TMEM132D: variants seen among roughly 807,000 people sequenced by gnomAD.
TMEM132D encodes transmembrane protein 132D.
In TMEM132D, 21 loss-of-function variants were observed where a neutral mutation model predicts 62.3. The ratio of observed to expected loss-of-function variants is 0.34; its 90% CI spans 0.24 to 0.49. TMEM132D has a LOEUF of 0.49. Ranked by LOEUF, TMEM132D falls within the 20% of genes least tolerant of loss-of-function variation. The probability of loss-of-function intolerance (pLI) is 0.99; values close to 1 mark genes in which losing one functional copy is unlikely to be tolerated. For synonymous variants in TMEM132D, 621 were observed against 575.6 expected, an observed-to-expected ratio of 1.08 and a Z score of -1.13; for missense variants, 1,346 against 1,402.8, an observed-to-expected ratio of 0.96 and a Z score of 0.65.
intron 4 of TMEM132D, among the ~76,000 whole-genome samples, chr12:129,266,669 A>G (rs1880704631): frequency 6.7e-6 from 1 of 149,198 alleles, no homozygotes; most frequent in South Asian, 2.1e-4. Flanking sequence ...GTTTACCAGC[A>G]TTAAACAGGA....
intron 5 of TMEM132D, among the ~76,000 whole-genome samples, chr12:129,190,771 C>T (rs145166357): frequency 7.1e-4 from 108 of 152,312 alleles, no homozygotes; most frequent in African/African-American, 2.4e-3. Context: ...TAAGATAACA[C>T]ATTTGTGTTG....
intron 1 of TMEM132D, among the ~76,000 whole-genome samples, chr12:129,732,823 A>C (rs1171444176): frequency 6.6e-6 from 1 of 152,190 alleles, no homozygotes; most frequent in African/African-American, 2.4e-5. Context: ...GGCCAGGCCC[A>C]CACCCAGGGA....
intron 5 of TMEM132D, among the ~76,000 whole-genome samples, chr12:129,104,199 G>A (rs1338104975): frequency 1.3e-5 from 2 of 151,182 alleles, no homozygotes; most frequent in Non-Finnish European, 2.9e-5. Flanking sequence ...CAGAGATATA[G>A]ACCAATGGAA....
chr12:129,137,795 G>C (rs1355289413), intron 5 of TMEM132D, among the ~76,000 whole-genome samples: 2 of 152,204 alleles, frequency 1.3e-5, no homozygotes, highest in African/African-American at 4.8e-5. Context: ...ACCTGCTAAA[G>C]ATGGTGCTGC....
At chr12:129,160,433 G>T (rs139760595) in intron 5 of TMEM132D, among the ~76,000 whole-genome samples, 1 of 152,206 alleles carries the variant, frequency 6.6e-6, no homozygotes, top group Non-Finnish European at 1.5e-5. Flanking sequence ...ACTTTAGTTT[G>T]CATTAGTAGG....
At chr12:129,848,192 A>G (rs550139538) in intron 1 of TMEM132D, among the ~76,000 whole-genome samples, 2 of 152,292 alleles carry the variant, frequency 1.3e-5, no homozygotes, top group East Asian at 1.9e-4. Flanking sequence ...CCTGACATCT[A>G]TTAGGTTGGT....
intron 2 of TMEM132D, among the ~76,000 whole-genome samples, chr12:129,605,869 C>T (rs1209805410): frequency 6.6e-6 from 1 of 151,818 alleles, no homozygotes; most frequent in Non-Finnish European, 1.5e-5. Flanking sequence ...TCCACAAAGC[C>T]AGAAACAATG....
intron 7 of TMEM132D, among the ~76,000 whole-genome samples, chr12:129,080,960 C>T (rs1874427912): frequency 6.6e-6 from 1 of 152,156 alleles, no homozygotes; most frequent in Non-Finnish European, 1.5e-5. Context: ...ACAATCACTT[C>T]ACTTCGTCCT....
chr12:129,555,182 T>G (rs572165854), intron 2 of TMEM132D, among the ~76,000 whole-genome samples: 5 of 152,362 alleles, frequency 3.3e-5, no homozygotes, highest in African/African-American at 1.2e-4. Context: ...GAATTTAGTC[T>G]CCTTTTTATT....
intron 2 of TMEM132D, among the ~76,000 whole-genome samples, chr12:129,676,930 C>G (rs527913837): frequency 6.6e-6 from 1 of 152,302 alleles, no homozygotes; most frequent in Non-Finnish European, 1.5e-5. Flanking sequence ...TTCAACTATC[C>G]TATCCCGCCT....
chr12:129,534,452 T>G (rs10847897), intron 2 of TMEM132D, among the ~76,000 whole-genome samples: 126,167 of 151,074 alleles, frequency 0.84, 52,778 homozygotes, highest in Admixed American at 0.86. Flanking sequence ...TAAATGCAAT[T>G]TGTATATACA....
At position 129,903,331 on chromosome 12, in the gene TMEM132D, C is replaced by G. The variant is rs1320574045; in HGVS notation, c.9G>C (p.Pro3=). Residue 3 remains proline, a synonymous_variant, in exon 1 of 9, where the codon CCG becomes CCC. Coordinates refer to ENST00000422113, the MANE Select transcript of TMEM132D (RefSeq NM_133448.3). This position sits in a 1 kb window ranked among gnomAD's most constrained non-coding sequence, Gnocchi z 6.2. ...GGTGCCACAGCGTCCCCATCTCAGA[C>G]GGGCACATCCTGGAGACCCGGAGCG... MC[P]SEMGTLWHHW... is the part of the protein sequence containing the mutation. 2.6e-6 allele frequency: 4 copies of G among 1,552,522 alleles called. No homozygotes were observed. The highest frequency in any genetic ancestry group is 3.5e-6 in the Non-Finnish European group (4 of 1,147,616).
intron 4 of TMEM132D, among the ~76,000 whole-genome samples, chr12:129,284,047 A>T (rs954289889): frequency 6.6e-6 from 1 of 152,264 alleles, no homozygotes; most frequent in African/African-American, 2.4e-5. Flanking sequence ...CTGATGGAGG[A>T]CAAGGCTCTC....
At position 129,088,812 on chromosome 12, in the gene TMEM132D, A is replaced by G. The variant is rs1307213741; in HGVS notation, c.1444-4110T>C. On this transcript the variant is annotated intron_variant, in intron 5 of 8. Coordinates refer to ENST00000422113, the MANE Select transcript of TMEM132D (RefSeq NM_133448.3). ...CCTCCATGACCGGGTGTCCTCCCTG[A>G]CCGGGTGTCCTCCATGACCGGGATG... 3.2e-4 allele frequency among the ~76,000 whole-genome samples: 13 copies of G among 41,026 alleles called. 3 individuals carry two copies. Among genetic ancestry groups the G allele is most frequent in the Non-Finnish European group, 5.1e-4 (11 of 21,384 alleles). The allele number at this position is 41,026 out of a possible 152,430, so 26.9% of individuals were successfully genotyped here. A position where few individuals can be genotyped will look rare whatever the true frequency, so the allele number is the denominator to read the frequency against.
At chr12:129,707,074 A>G (rs930794235) in intron 1 of TMEM132D, among the ~76,000 whole-genome samples, 2 of 150,552 alleles carry the variant, frequency 1.3e-5, no homozygotes, top group African/African-American at 2.4e-5. Context: ...AGAAGCATTA[A>G]TAAAAACAAA....
At chr12:129,440,577 A>T (rs1294013094) in intron 3 of TMEM132D, among the ~76,000 whole-genome samples, 1 of 152,230 alleles carries the variant, frequency 6.6e-6, no homozygotes, top group Non-Finnish European at 1.5e-5. Flanking sequence ...TAGCATGGGC[A>T]TATCTAAGAG....
intron 2 of TMEM132D, among the ~76,000 whole-genome samples, chr12:129,573,854 G>T (rs981903531): frequency 1.3e-5 from 2 of 149,758 alleles, no homozygotes; most frequent in African/African-American, 2.5e-5. Context: ...CGTGGATATT[G>T]TATCCTTCCA....
At chr12:129,757,578 A>G (rs975565118) in intron 1 of TMEM132D, among the ~76,000 whole-genome samples, 2 of 151,334 alleles carry the variant, frequency 1.3e-5, no homozygotes, top group African/African-American at 4.9e-5. Context: ...TGATCTTTCC[A>G]CTCCCACCTA....
intron 3 of TMEM132D, among the ~76,000 whole-genome samples, chr12:129,462,302 C>T (rs1873704408): frequency 6.6e-6 from 1 of 152,068 alleles, no homozygotes; most frequent in African/African-American, 2.4e-5. Flanking sequence ...CTCAGGGAAA[C>T]ACAGAGACAG....
Sources: gnomAD v4.1 joint callset for allele counts (sites outside exome capture counted in the v4.1 genomes callset) on GRCh38, gnomAD v4.1.1 for gene constraint, Gnocchi (gnomAD v3.1) non-coding constraint, MANE v1.5 for transcripts, NCBI Gene and HGNC (gene_info 2026-07-23, HGNC 2026-07-21) for gene names.